The following GDAP1L1 variants were observed in gnomAD, a reference collection of about 807,000 sequenced individuals.
GDAP1L1 encodes ganglioside-induced differentiation-associated protein 1-like 1.
Under a neutral mutation model 37.1 loss-of-function variants are expected in GDAP1L1, and 21 were observed. That is an observed-to-expected ratio of 0.57 (90% CI 0.40 to 0.81). The LOEUF (loss-of-function observed/expected upper bound fraction) is 0.81, where lower values mean the gene tolerates loss of function less well. Among genes scored for constraint, GDAP1L1 ranks in the 40% least tolerant of loss-of-function variants. The pLI is 0.00. For synonymous variants in GDAP1L1, 193 were observed against 209.1 expected (o/e 0.92, Z 0.67); for missense variants, 362 against 491.6 (o/e 0.74, Z 2.49).
In GDAP1L1 at chr20:44,264,514, G is replaced by T; in HGVS notation, c.715G>T (p.Asp239Tyr). 1 of 1,599,866 alleles carries T rather than the reference G, an allele frequency of 6.3e-7. No homozygotes were observed. Among genetic ancestry groups the T allele is most frequent in the South Asian group, 1.1e-5 (1 of 89,168 alleles). ...KILGELAMVL[D>Y]QIEAELEKRK... ...CCTCGGGGAACTGGCCATGGTGCTG[G>T]ACCAGATTGAGGCGGAGCTGGAGAA... is the stretch of plus-strand genomic sequence containing the variant. The change falls in exon 5 of 6, where the codon GAC becomes TAC. Residue 239 changes from aspartate (D) to tyrosine (Y), a missense_variant. Around this residue, in one of 2 missense-constraint regions of GDAP1L1, gnomAD observed 277 missense variants for 337.1 expected, o/e 0.82. Coordinates refer to ENST00000342560, the MANE Select transcript of GDAP1L1 (RefSeq NM_024034.6).
intron 5 of GDAP1L1, among the ~76,000 whole-genome samples, chr20:44,270,972 C>G (rs1169585748): frequency 2.0e-5 from 3 of 152,112 alleles, no homozygotes; most frequent in Admixed American, 6.6e-5. Context: ...TTAAAACTGT[C>G]GCAGCTGAAC....
chr20:44,278,185 A>G (rs1026692558), intron 5 of GDAP1L1, among the ~76,000 whole-genome samples: 19 of 151,108 alleles, frequency 1.3e-4, no homozygotes, highest in Non-Finnish European at 2.5e-4. Flanking sequence ...AAAGAAAGAA[A>G]GAGAATTAAT....
rs76995886 is a variant in GDAP1L1, at chr20:44,262,022, G to A, written c.548-1208G>A. 1.5e-3 allele frequency among the ~76,000 whole-genome samples: 228 copies of A among 152,350 alleles called. 1 individual carries two copies. The highest frequency in any genetic ancestry group is 4.8e-3 in the African/African-American group (201 of 41,568). On this transcript the variant is annotated intron_variant, in intron 3 of 5. Coordinates refer to ENST00000342560, the MANE Select transcript of GDAP1L1 (RefSeq NM_024034.6). Reference sequence around the variant, plus strand: ...GGACAGGAACAGTTGGGAAAACTCAGTGAAAGATGGAGTAGGTGAGAGGGA... The same window carrying A: ...GGACAGGAACAGTTGGGAAAACTCAATGAAAGATGGAGTAGGTGAGAGGGA...
chr20:44,272,268 C>T (rs899355002), intron 5 of GDAP1L1, among the ~76,000 whole-genome samples: 5 of 152,144 alleles, frequency 3.3e-5, no homozygotes, highest in Admixed American at 6.6e-5. Flanking sequence ...GGTTAGGACA[C>T]GCCCTGCATT....
At chr20:44,273,656 ACAGGAT>A (rs1396741887) in intron 5 of GDAP1L1, among the ~76,000 whole-genome samples, 1 of 152,164 alleles carries the variant, frequency 6.6e-6, no homozygotes, top group African/African-American at 2.4e-5. Flanking sequence ...GGAGAAACAC[ACAGGAT>A]GCTGGCAGGA....
intron 5 of GDAP1L1, among the ~76,000 whole-genome samples, chr20:44,267,483 C>T (rs905152613): frequency 6.6e-6 from 1 of 152,006 alleles, no homozygotes; most frequent in African/African-American, 2.4e-5. Flanking sequence ...TGGTGGTGGG[C>T]ACCTGTAATC....
intron 5 of GDAP1L1, among the ~76,000 whole-genome samples, chr20:44,274,336 T>C (rs981043864): frequency 2.0e-5 from 3 of 152,244 alleles, no homozygotes; most frequent in Admixed American, 6.5e-5. Context: ...GAAAATGCTC[T>C]TGACTTGTCT....
Position 44,264,541 on chromosome 20 carries a change from AG to A in GDAP1L1, c.744del (p.Lys249SerfsTer140). On this transcript the variant is annotated frameshift_variant, in exon 5 of 6. Coordinates refer to ENST00000342560, the MANE Select transcript of GDAP1L1 (RefSeq NM_024034.6). LOFTEE classifies it high-confidence loss of function. The stretch of plus-strand genomic sequence containing the variant: ...CCAGATTGAGGCGGAGCTGGAGAAG[AG>A]GAAGCTGGAGAACGAGGGTGGGTGC... ...LDQIEAELEK[R>X]KLENEGQKCE... 2 of 1,609,458 alleles carry A rather than the reference AG, an allele frequency of 1.2e-6. No homozygotes were observed. Among genetic ancestry groups the A allele is most frequent in the Non-Finnish European group, 1.7e-6 (2 of 1,177,500 alleles).
At chr20:44,250,722 G>C (rs2073423877) in intron 1 of GDAP1L1, among the ~76,000 whole-genome samples, 1 of 152,178 alleles carries the variant, frequency 6.6e-6, no homozygotes, top group African/African-American at 2.4e-5. Flanking sequence ...GGGCCACAGG[G>C]TTTGAAGGAG....
In GDAP1L1 at chr20:44,279,388, A is replaced by C; in HGVS notation, c.*88A>C. 1 of 848,094 alleles carries C rather than the reference A, an allele frequency of 1.2e-6. No individual in the cohort carries two copies. Among genetic ancestry groups the C allele is most frequent in the African/African-American group, 1.7e-5 (1 of 59,964 alleles). The allele number at this position is 848,094 out of a possible 1,614,324, so 52.5% of individuals were successfully genotyped here. ...CTCTCAGTAACTCACTGTCTCATGA[A>C]CACTTGGACAGCCCTCCCCGCCCTT... On this transcript the variant is annotated 3_prime_UTR_variant, in exon 6 of 6. Coordinates refer to ENST00000342560, the MANE Select transcript of GDAP1L1 (RefSeq NM_024034.6).
Position 44,279,522 on chromosome 20 carries a change from CGA to C in GDAP1L1, c.*235_*236del, listed in dbSNP as rs146884120. 1,506 of 641,862 alleles carry C rather than the reference CGA, an allele frequency of 2.3e-3. No individual in the cohort carries two copies. Among genetic ancestry groups the C allele is most frequent in the East Asian group, 3.5e-3 (119 of 33,944 alleles). The allele number at this position is 641,862 out of a possible 1,614,324, so 39.8% of individuals were successfully genotyped here. On this transcript the variant is annotated 3_prime_UTR_variant, in exon 6 of 6. Transcript: ENST00000342560. ...GCTCTACTAAAAGAGAGAGAGGAAGCGAGAGAGAGAGAGAAAAAACAAAAAAC... is the reference window on the plus strand; with the variant it reads ...GCTCTACTAAAAGAGAGAGAGGAAGCGAGAGAGAGAGAAAAAACAAAAAAC...
intron 5 of GDAP1L1, among the ~76,000 whole-genome samples, chr20:44,268,626 GT>G (rs937190847): frequency 1.9e-4 from 29 of 152,212 alleles, no homozygotes; most frequent in African/African-American, 7.0e-4. Context: ...AGTGGATAAA[GT>G]TTCCCTGAGA....
intron 5 of GDAP1L1, among the ~76,000 whole-genome samples, chr20:44,268,416 T>C (rs1442370238): frequency 1.3e-5 from 2 of 152,236 alleles, no homozygotes; most frequent in East Asian, 1.9e-4. Context: ...CTTTCATTCA[T>C]GTATTCAAAT....
chr20:44,257,380 T>TGGGTC (rs2073578356), intron 2 of GDAP1L1, 35 bp downstream of exon 2: 6 of 1,588,788 alleles, frequency 3.8e-6, no homozygotes, highest in Middle Eastern at 1.7e-4. Flanking sequence ...GCCCACTCCA[T>TGGGTC]ACCACAGATC....
In GDAP1L1 at chr20:44,265,538, T is replaced by C. The variant is rs150998053; in HGVS notation, c.760+979T>C. The C allele has an allele frequency of 2.0e-5, 19 of 943,116 alleles. No individual in the cohort carries two copies. In the East Asian group the frequency reaches 1.9e-3, roughly 93 times the overall value. 58.4% of individuals were successfully genotyped at this position (943,116 alleles called of 1,614,324 possible). ...AGATGGGGTTAGAGTAAGAAAAACT[T>C]GAAATAGAGTTCCAGCTTTGCTGCC... On this transcript the variant is annotated intron_variant, in intron 5 of 5. Transcript: ENST00000342560.
chr20:44,257,385 C>T (rs769935450), intron 2 of GDAP1L1, 40 bp downstream of exon 2: 3 of 1,574,646 alleles, frequency 1.9e-6, no homozygotes, highest in Non-Finnish European at 2.6e-6. Flanking sequence ...CTCCATACCA[C>T]AGATCCTCAG....
intron 2 of GDAP1L1, chr20:44,258,150 G>C (rs2073598478): frequency 1.4e-6 from 1 of 717,408 alleles, no homozygotes; most frequent in African/African-American, 1.7e-5. Context: ...TGAGCACCCA[G>C]GTTGCAGCTT....
intron 5 of GDAP1L1, among the ~76,000 whole-genome samples, chr20:44,276,442 AAG>A (rs2062580388): frequency 7.7e-6 from 1 of 129,822 alleles, no homozygotes; most frequent in African/African-American, 2.5e-5. Flanking sequence ...GAAAGAAAGA[AAG>A]AAAGAAAGAA....
intron 5 of GDAP1L1, among the ~76,000 whole-genome samples, chr20:44,267,892 G>A (rs999850453): frequency 6.6e-5 from 10 of 152,218 alleles, no homozygotes; most frequent in African/African-American, 2.4e-4. Context: ...CTTCTGAGAG[G>A]AGACAGCATT....
Sources: gnomAD v4.1 joint callset for allele counts (sites outside exome capture counted in the v4.1 genomes callset) on GRCh38, gnomAD v4.1.1 for gene constraint, gnomAD v4.1.1 regional missense constraint, MANE v1.5 for transcripts, NCBI Gene and HGNC (gene_info 2026-07-23, HGNC 2026-07-21) for gene names.